The following PHC3 variants were observed in gnomAD, a reference collection of about 807,000 sequenced individuals.
PHC3 encodes the protein polyhomeotic homolog 3, also known as polyhomeotic-like protein 3.
PHC3 carries 13 observed loss-of-function variants against 107.4 expected under a neutral mutation model. The ratio of observed to expected loss-of-function variants is 0.12; its 90% CI spans 0.08 to 0.19. The LOEUF is 0.19. Ranked by LOEUF, PHC3 falls within the 10% of genes least tolerant of loss-of-function variation. PHC3 has a pLI of 1.00. For synonymous variants in PHC3, 456 were observed against 427.4 expected, an observed-to-expected ratio of 1.07 and a Z score of -0.83; for missense variants, 992 against 1,210.9, an observed-to-expected ratio of 0.82 and a Z score of 2.68.
chr3:170,116,930 A>C (rs1197941017), intron 10 of PHC3, among the ~76,000 whole-genome samples: 1 of 152,072 alleles, frequency 6.6e-6, no homozygotes, highest in African/African-American at 2.4e-5. Context: ...AGAAAGAAAA[A>C]ATATAAAAGT....
At chr3:170,102,984 A>G in intron 12 of PHC3, 50 bp from the exon 13 acceptor site, 1 of 1,526,074 alleles carries the variant, frequency 6.6e-7, no homozygotes, top group Non-Finnish European at 8.9e-7. Context: ...GGGACAATCC[A>G]TTTAGTATTT....
At chr3:170,174,101 G>A (rs1027169273) in intron 2 of PHC3, among the ~76,000 whole-genome samples, 58 of 152,058 alleles carry the variant, frequency 3.8e-4, no homozygotes, top group African/African-American at 1.2e-3. Flanking sequence ...GCTCAGGTGG[G>A]AGAACTGCTT....
chr3:170,124,500 C>G (rs1485003693), intron 8 of PHC3, among the ~76,000 whole-genome samples: 1 of 152,100 alleles, frequency 6.6e-6, no homozygotes, highest in Non-Finnish European at 1.5e-5. Context: ...GTAGCTGGGA[C>G]CACAGGTGTT....
At chr3:170,150,795 T>C (rs1443587352) in intron 4 of PHC3, 2 of 350,054 alleles carry the variant, frequency 5.7e-6, no homozygotes, top group Non-Finnish European at 1.1e-5. Context: ...AACTGGTAAC[T>C]GGTTGTATCT....
At chr3:170,180,163 A>G (rs77045090) in intron 1 of PHC3, among the ~76,000 whole-genome samples, 1 of 151,096 alleles carries the variant, frequency 6.6e-6, no homozygotes, top group South Asian at 2.1e-4. Context: ...AAAAAAAAAA[A>G]GGAAAAGTGG....
At position 170,113,415 on chromosome 3, in the gene PHC3, A is replaced by G; in HGVS notation, c.2298T>C (p.Asn766=). Reference sequence around the variant, plus strand: ...CAGATGAATTATCCGCATGTTTTGTATTATTCTGTAGCTCTGGCTGAACAC... The same window carrying G: ...CAGATGAATTATCCGCATGTTTTGTGTTATTCTGTAGCTCTGGCTGAACAC... ...SVCVQPELQN[N]TKHADNSSDT... The change falls in exon 11 of 15, where the codon AAT becomes AAC. Residue 766 remains asparagine (N), a synonymous_variant. Coordinates refer to ENST00000495893, the MANE Select transcript of PHC3 (RefSeq NM_024947.4). The G allele has an allele frequency of 1.2e-6, 2 of 1,613,186 alleles. No homozygotes were observed. The highest frequency in any genetic ancestry group is 1.7e-6 in the Non-Finnish European group (2 of 1,179,554).
At chr3:170,181,551 C>G (rs1380743523) in intron 1 of PHC3, 151 bp downstream of exon 1, 19 of 1,142,474 alleles carry the variant, frequency 1.7e-5, no homozygotes, top group South Asian at 2.6e-5. Context: ...GCGACACGGG[C>G]CTAGCCGGCT....
chr3:170,169,832 A>G (rs1729312406), intron 4 of PHC3: 1 of 152,238 alleles, frequency 6.6e-6, no homozygotes. Flanking sequence ...GAATTTGTCT[A>G]TATAATTTCC....
intron 12 of PHC3, among the ~76,000 whole-genome samples, chr3:170,106,089 G>A (rs1716454481): frequency 6.6e-6 from 1 of 152,130 alleles, no homozygotes; most frequent in African/African-American, 2.4e-5. Context: ...GCAGGTGCCT[G>A]TAATCCCAGC....
At chr3:170,106,402 A>C (rs1033624697) in intron 12 of PHC3, among the ~76,000 whole-genome samples, 9 of 152,320 alleles carry the variant, frequency 5.9e-5, no homozygotes, top group African/African-American at 1.9e-4. Flanking sequence ...ACATTTTAAA[A>C]CAACACAAAG....
At position 170,090,787 on chromosome 3, in the gene PHC3, C is replaced by T. The variant is rs1052827137; in HGVS notation, c.*6443G>A. The T allele has an allele frequency of 6.6e-6, 1 of 152,216 alleles. No homozygotes were observed. Among genetic ancestry groups the T allele is most frequent in the African/African-American group, 2.4e-5 (1 of 41,440 alleles). The allele number at this position is 152,216 out of a possible 1,614,324, so 9.4% of individuals were successfully genotyped here. A position where few individuals can be genotyped will look rare whatever the true frequency, so the allele number is the denominator to read the frequency against. Reference sequence around the variant, plus strand: ...TTAAAACAGCTGAGTAATTGCCCAACATGTCACACACAGCTAACCCACTGA... The same window carrying T: ...TTAAAACAGCTGAGTAATTGCCCAATATGTCACACACAGCTAACCCACTGA... On this transcript the variant is annotated 3_prime_UTR_variant, in exon 15 of 15. Coordinates refer to ENST00000495893, the MANE Select transcript of PHC3 (RefSeq NM_024947.4).
At chr3:170,146,946 G>A (rs972289229) in intron 5 of PHC3, among the ~76,000 whole-genome samples, 1 of 145,260 alleles carries the variant, frequency 6.9e-6, no homozygotes, top group African/African-American at 2.6e-5. Flanking sequence ...GCAATGGCGC[G>A]ATGTCCGCTC....
intron 3 of PHC3, 25 bp from the exon 4 acceptor site, chr3:170,171,475 ATG>A: frequency 6.6e-7 from 1 of 1,514,794 alleles, no homozygotes; most frequent in Non-Finnish European, 8.9e-7. Flanking sequence ...CTTTTAGAAT[ATG>A]TCGGTAAAAA....
rs375783409 is a variant in PHC3 at position 170,176,225 on chromosome 3, C to CAA, written c.180+2546_180+2547dup. Among the ~76,000 whole-genome samples the CAA allele has an allele frequency of 5.6e-3, 459 of 82,148 alleles. 8 individuals are homozygous for CAA. The highest frequency in any genetic ancestry group is 0.014 in the Middle Eastern group (2 of 144). 53.9% of individuals were successfully genotyped at this position (82,148 alleles called of 152,430 possible). A position where few individuals can be genotyped will look rare whatever the true frequency, so the allele number is the denominator to read the frequency against. On this transcript the variant is annotated intron_variant, in intron 2 of 14. Transcript: ENST00000495893. Reference sequence around the variant, plus strand: ...TGGGCGATAGAGCGAGACTCGGTCTCAAAAAAAAAAAAAAAAAAAAGATCT... The same window carrying CAA: ...TGGGCGATAGAGCGAGACTCGGTCTCAAAAAAAAAAAAAAAAAAAAAAGATCT...
Position 170,145,504 on chromosome 3 carries a change from A to G in PHC3, c.591T>C (p.Ala197=). 1.2e-6 allele frequency: 2 copies of G among 1,612,782 alleles called. No individual in the cohort carries two copies. The highest frequency in any genetic ancestry group is 1.7e-6 in the Non-Finnish European group (2 of 1,179,102). Residue 197 remains alanine, a synonymous_variant, in exon 6 of 15, where the codon GCT becomes GCC. Transcript: ENST00000495893. ...LRAQMLIFTP[A]TTVAAVQSDI... ...CAGACTGTACAGCAGCCACAGTGGT[A>G]GCGGGTGTGAAAATCAGCTGTACAG...
In PHC3 at chr3:170,088,281, AT is replaced by A. The variant is rs1209028977; in HGVS notation, c.*8948del. The A allele has an allele frequency of 1.3e-5, 2 of 152,230 alleles. No individual in the cohort carries two copies. Among genetic ancestry groups the A allele is most frequent in the Non-Finnish European group, 2.9e-5 (2 of 68,016 alleles). The allele number at this position is 152,230 out of a possible 1,614,324, so 9.4% of individuals were successfully genotyped here. Reference sequence around the variant, plus strand: ...AACAATGGGAGGAACCAAAAGGGGAATTAAAAAATTGGTTAACGTGTGCTTG... The same window carrying A: ...AACAATGGGAGGAACCAAAAGGGGAATAAAAAATTGGTTAACGTGTGCTTG... On this transcript the variant is annotated 3_prime_UTR_variant, in exon 15 of 15. Transcript: ENST00000495893.
At chr3:170,141,792 T>C (rs139353818) in intron 6 of PHC3, among the ~76,000 whole-genome samples, 1,850 of 152,056 alleles carry the variant, frequency 0.012, 40 homozygotes, top group African/African-American at 0.042. Flanking sequence ...TTTGTATAGA[T>C]GGGGTTTTGC....
chr3:170,122,725 A>C lies in PHC3; in HGVS notation c.1808T>G (p.Val603Gly), dbSNP rs1720585510. ...DPPVVYQVED[V>G]CEEEMPEESD... ...CTCTTCTGGCATTTCTTCTTCACACACATCTTCTACCTGATAAACCTGCAA... is the reference window on the plus strand; with the variant it reads ...CTCTTCTGGCATTTCTTCTTCACACCCATCTTCTACCTGATAAACCTGCAA... The change falls in exon 9 of 15, where the codon GTG (valine) becomes GGG (glycine). Residue 603 changes from valine (V) to glycine (G), a missense_variant. Physicochemically the swap from Val to Gly is moderately radical, Grantham distance 109 (BLOSUM62 -3). This residue lies in a region of PHC3 where 543 missense variants were observed against 590.8 expected (regional missense o/e 0.92). Coordinates refer to ENST00000495893, the MANE Select transcript of PHC3 (RefSeq NM_024947.4). The C allele has an allele frequency of 2.5e-6, 4 of 1,613,782 alleles. No homozygotes were observed. The South Asian group carries it at 4.4e-5, about 18-fold the overall frequency.
At chr3:170,138,067 T>C (rs751539300) in intron 6 of PHC3, among the ~76,000 whole-genome samples, 3 of 152,032 alleles carry the variant, frequency 2.0e-5, no homozygotes, top group Non-Finnish European at 4.4e-5. Flanking sequence ...TGGTGGCGCA[T>C]GCCTGTAATC....
Sources: gnomAD v4.1 joint callset for allele counts (sites outside exome capture counted in the v4.1 genomes callset) on GRCh38, gnomAD v4.1.1 for gene constraint, gnomAD v4.1.1 regional missense constraint, MANE v1.5 for transcripts, NCBI Gene and HGNC (gene_info 2026-07-23, HGNC 2026-07-21) for gene names.